Variants in HSD17B3 observed in about 807,000 individuals in gnomAD.
HSD17B3 encodes 17-beta-hydroxysteroid dehydrogenase type 3.
A neutral mutation model predicts 41.1 loss-of-function variants in HSD17B3; 29 were observed. That is an observed-to-expected ratio of 0.71 (90% CI 0.53 to 0.96). The LOEUF (loss-of-function observed/expected upper bound fraction) is 0.96. HSD17B3 is among the 40% of genes least tolerant of loss of function. The pLI is 0.00. For missense variants in HSD17B3, 323 were observed against 374.6 expected (o/e 0.86, Z 1.14); for synonymous variants, 126 against 145.6 (o/e 0.87, Z 0.97).
At chr9:96,254,813 G>T in intron 3 of HSD17B3, 55 bp downstream of exon 3, 1 of 1,449,112 alleles carries the variant, frequency 6.9e-7, no homozygotes, top group Non-Finnish European at 9.7e-7. Flanking sequence ...CATGGTGGGA[G>T]CAGGCTTGGT....
chr9:96,270,953 C>CGGG (rs34328277), intron 2 of HSD17B3, among the ~76,000 whole-genome samples: 58 of 124,274 alleles, frequency 4.7e-4, no homozygotes, highest in East Asian at 3.9e-3. Context: ...CAAATCCTCT[C>CGGG]GGGGGGGGGG....
chr9:96,289,673 G>C (rs921600993), intron 2 of HSD17B3, among the ~76,000 whole-genome samples: 7 of 152,196 alleles, frequency 4.6e-5, no homozygotes, highest in Non-Finnish European at 1.0e-4. Flanking sequence ...AGGCCTTTTA[G>C]AGGTTCCATG....
chr9:96,267,152 A>T (rs1231763339), intron 2 of HSD17B3, among the ~76,000 whole-genome samples: 1 of 113,176 alleles, frequency 8.8e-6, no homozygotes, highest in Admixed American at 9.6e-5. Context: ...CAGGCAAAAG[A>T]CAACATTTTT....
chr9:96,298,610 C>A (rs933842495), intron 1 of HSD17B3, 148 bp from the exon 2 acceptor site: 23 of 744,572 alleles, frequency 3.1e-5, no homozygotes, highest in Admixed American at 5.6e-5. Flanking sequence ...GCCCTTGAAG[C>A]CCCTCACTAA....
At chr9:96,297,935 T>C (rs1827427198) in intron 2 of HSD17B3, among the ~76,000 whole-genome samples, 1 of 152,234 alleles carries the variant, frequency 6.6e-6, no homozygotes, top group South Asian at 2.1e-4. Context: ...ACTAATTGTA[T>C]TCTAGTGACT....
intron 2 of HSD17B3, among the ~76,000 whole-genome samples, chr9:96,278,049 C>A (rs1826543088): frequency 6.6e-6 from 1 of 152,112 alleles, no homozygotes; most frequent in Admixed American, 6.5e-5. Flanking sequence ...GCTCATGGAA[C>A]TACAGAGTAG....
chr9:96,293,297 T>C (rs776551355), intron 2 of HSD17B3, among the ~76,000 whole-genome samples: 10 of 152,120 alleles, frequency 6.6e-5, no homozygotes, highest in Non-Finnish European at 1.2e-4. Context: ...TTACACTCCA[T>C]AAGGAGGGTG....
intron 5 of HSD17B3, chr9:96,251,186 A>G: frequency 1.7e-6 from 1 of 586,016 alleles, no homozygotes; most frequent in African/African-American, 1.9e-5. Flanking sequence ...GTAAGTTTTG[A>G]TGTGCAGAGA....
At chr9:96,271,937 A>G (rs1202924628) in intron 2 of HSD17B3, among the ~76,000 whole-genome samples, 1 of 151,810 alleles carries the variant, frequency 6.6e-6, no homozygotes, top group Non-Finnish European at 1.5e-5. Context: ...AGAGGCCTTT[A>G]TTTCTCTTTT....
At chr9:96,255,411 A>C (rs111367695) in intron 2 of HSD17B3, among the ~76,000 whole-genome samples, 1 of 61,270 alleles carries the variant, frequency 1.6e-5, no homozygotes, top group Non-Finnish European at 3.3e-5. Flanking sequence ...TTTTTTTGCA[A>C]TAGAGTCTTG....
chr9:96,270,170 G>A (rs1169951888), intron 2 of HSD17B3, among the ~76,000 whole-genome samples: 1 of 151,758 alleles, frequency 6.6e-6, no homozygotes, highest in Admixed American at 6.6e-5. Context: ...AAATGACACA[G>A]GACTGATTTT....
chr9:96,278,086 G>A (rs1482558470), intron 2 of HSD17B3, among the ~76,000 whole-genome samples: 2 of 152,128 alleles, frequency 1.3e-5, no homozygotes, highest in African/African-American at 4.8e-5. Flanking sequence ...GCTGGGGGAG[G>A]GGTAAATGGT....
intron 2 of HSD17B3, among the ~76,000 whole-genome samples, chr9:96,294,404 T>C (rs930488124): frequency 6.6e-6 from 1 of 152,236 alleles, no homozygotes; most frequent in Non-Finnish European, 1.5e-5. Context: ...GACAGCATCA[T>C]GGTGAAGACT....
chr9:96,295,018 T>C (rs971979826), intron 2 of HSD17B3, among the ~76,000 whole-genome samples: 4 of 145,996 alleles, frequency 2.7e-5, no homozygotes, highest in African/African-American at 1.0e-4. Flanking sequence ...TTTTTTTTTT[T>C]TTTTTTTGAG....
At chr9:96,254,822 G>A in intron 3 of HSD17B3, 46 bp downstream of exon 3, 2 of 1,528,380 alleles carry the variant, frequency 1.3e-6, no homozygotes, top group Non-Finnish European at 1.8e-6. Flanking sequence ...AGCAGGCTTG[G>A]TTGGAGGGCT....
At chr9:96,250,193 G>C in intron 5 of HSD17B3, 4 of 1,140,722 alleles carry the variant, frequency 3.5e-6, no homozygotes, top group Non-Finnish European at 4.3e-6. Context: ...GCTATGGAGG[G>C]CAGGTAAAGA....
intron 2 of HSD17B3, among the ~76,000 whole-genome samples, chr9:96,282,205 G>C (rs116978691): frequency 2.8e-4 from 43 of 152,070 alleles, no homozygotes; most frequent in Non-Finnish European, 4.9e-4. Flanking sequence ...GGTTTGATTC[G>C]TGTCTTAGGG....
At chr9:96,268,686 C>T (rs280655) in intron 2 of HSD17B3, among the ~76,000 whole-genome samples, 52,737 of 152,004 alleles carry the variant, frequency 0.35, 9,396 homozygotes, top group Middle Eastern at 0.39. Flanking sequence ...TGGTGGCTCA[C>T]GCCTGTAATA....
intron 2 of HSD17B3, among the ~76,000 whole-genome samples, chr9:96,263,602 G>T (rs375548419): frequency 6.6e-6 from 1 of 151,694 alleles, no homozygotes; most frequent in Admixed American, 6.6e-5. Context: ...GGTGGCGGGC[G>T]CCTGTAGTCC....
Sources: allele counts gnomAD v4.1 joint callset (sites outside exome capture counted in the v4.1 genomes callset), GRCh38; gene constraint gnomAD v4.1.1; transcripts MANE v1.5; gene names NCBI Gene and HGNC (gene_info 2026-07-23, HGNC 2026-07-21).